The following SGCZ variants were observed in gnomAD, a reference collection of about 807,000 sequenced individuals.
The protein encoded by SGCZ is zeta-sarcoglycan.
Under a neutral mutation model 41.3 loss-of-function variants are expected in SGCZ, and 40 were observed. The ratio of observed to expected loss-of-function variants is 0.97; its 90% CI spans 0.75 to 1.26. The LOEUF (loss-of-function observed/expected upper bound fraction) is 1.26. Among genes scored for constraint, SGCZ ranks in the 50% most tolerant of loss-of-function variants. The pLI is 0.00. For missense variants in SGCZ, 552 were observed against 369.8 expected (o/e 1.49, Z -4.04); for synonymous variants, 206 against 137.5 (o/e 1.50, Z -3.49).
chr8:14,646,726 A>T (rs6981967), intron 1 of SGCZ, among the ~76,000 whole-genome samples: 16,367 of 151,900 alleles, frequency 0.11, 1,061 homozygotes, highest in African/African-American at 0.19. Context: ...TAGAAATATT[A>T]AAAAAATGAC....
rs1801656548 is a variant in SGCZ at position 14,090,543 on chromosome 8, A to G, written c.839T>C (p.Val280Ala). ...SPSSSSSRQTVYELCVCPNGK... is the reference protein window; with the variant it reads ...SPSSSSSRQTAYELCVCPNGK... ...ATTGGGGCAGACGCAGAGTTCATAC[A>G]CTGTCTGTCGAGAACTTGAGGAGCT... The change falls in exon 8 of 8, where the codon GTG becomes GCG. Residue 280 changes from valine (V) to alanine (A), a missense_variant. By Grantham distance (64) the Val-to-Ala change is moderately conservative. Coordinates refer to ENST00000382080, the MANE Select transcript of SGCZ (RefSeq NM_139167.4). The G allele has an allele frequency of 1.2e-6, 2 of 1,613,100 alleles. No homozygotes were observed. The highest frequency in any genetic ancestry group is 1.3e-5 in the African/African-American group (1 of 74,956).
Position 15,049,745 on chromosome 8 carries a change from G to A in SGCZ, c.39+187840C>T, listed in dbSNP as rs919967406. Among the ~76,000 whole-genome samples the A allele has an allele frequency of 3.3e-5, 5 of 152,198 alleles. No individual in the cohort carries two copies. The South Asian group carries it at 1.0e-3, about 32-fold the overall frequency. ...TTGTAATAATCCCCAGATGTCAAGA[G>A]CAGGGCAAGGTTATGATAACTAAAT... On this transcript the variant is annotated intron_variant, in intron 1 of 7. Transcript: ENST00000382080.
In SGCZ at chr8:14,086,533, A is replaced by G. The variant is rs981168479; in HGVS notation, c.*3910T>C. Among the ~76,000 whole-genome samples, 9 of 151,762 alleles carry G rather than the reference A, an allele frequency of 5.9e-5. No individual in the cohort carries two copies. The highest frequency in any genetic ancestry group is 1.0e-4 in the Non-Finnish European group (7 of 67,768). On this transcript the variant is annotated 3_prime_UTR_variant, in exon 8 of 8. Transcript: ENST00000382080. ...GATCACATTATCATTTCTTCAAAAG[A>G]TCACTGCTTTTTAGCTTTATGGAGG...
intron 2 of SGCZ, among the ~76,000 whole-genome samples, chr8:14,438,816 ACAT>A (rs1346735444): frequency 1.7e-4 from 26 of 152,048 alleles, no homozygotes; most frequent in Non-Finnish European, 7.4e-5. Context: ...TTATACCTTA[ACAT>A]CATATTCTTC....
At chr8:14,662,822 C>T (rs547295345) in intron 1 of SGCZ, among the ~76,000 whole-genome samples, 1 of 152,162 alleles carries the variant, frequency 6.6e-6, no homozygotes, top group African/African-American at 2.4e-5. Context: ...AAGAGTGGGT[C>T]TGAGAGATGC....
At chr8:14,678,393 C>T (rs974706945) in intron 1 of SGCZ, among the ~76,000 whole-genome samples, 1 of 152,156 alleles carries the variant, frequency 6.6e-6, no homozygotes, top group African/African-American at 2.4e-5. Context: ...ATAGACACTT[C>T]ACCAAAGAAG....
chr8:14,851,674 AT>A (rs1393987043), intron 1 of SGCZ, among the ~76,000 whole-genome samples: 1 of 152,180 alleles, frequency 6.6e-6, no homozygotes, highest in Non-Finnish European at 1.5e-5. Flanking sequence ...ATACTTTTGT[AT>A]CTTAGAGGTA....
chr8:14,875,078 C>G (rs944554988), intron 1 of SGCZ, among the ~76,000 whole-genome samples: 1 of 152,060 alleles, frequency 6.6e-6, no homozygotes, highest in Non-Finnish European at 1.5e-5. Flanking sequence ...TATTTATAAA[C>G]AATGGAAATT....
chr8:14,345,374 T>C (rs1394314492), intron 2 of SGCZ, among the ~76,000 whole-genome samples: 3 of 152,154 alleles, frequency 2.0e-5, no homozygotes, highest in Admixed American at 2.0e-4. Flanking sequence ...TTATGCTAAA[T>C]TCTGGGATAT....
intron 2 of SGCZ, among the ~76,000 whole-genome samples, chr8:14,378,036 C>T (rs11997088): frequency 0.4 from 56,234 of 142,284 alleles, 11,770 homozygotes; most frequent in African/African-American, 0.53. Flanking sequence ...GTCCTTTGGG[C>T]ATATACCCAG....
At position 14,087,898 on chromosome 8, in the gene SGCZ, G is replaced by A. The variant is rs978827553; in HGVS notation, c.*2545C>T. Among the ~76,000 whole-genome samples the A allele has an allele frequency of 7.3e-5, 11 of 151,550 alleles. No individual in the cohort carries two copies. Among genetic ancestry groups the A allele is most frequent in the Admixed American group, 2.0e-4 (3 of 15,160 alleles). ...TTTGGTGTTGAATAGGAAAGCCATC[G>A]CTATCACTATATTTTCTACTGTACT... On this transcript the variant is annotated 3_prime_UTR_variant, in exon 8 of 8. Coordinates refer to ENST00000382080, the MANE Select transcript of SGCZ (RefSeq NM_139167.4).
At position 14,246,102 on chromosome 8, in the gene SGCZ, T is replaced by A. The variant is rs537736268; in HGVS notation, c.337-8423A>T. On this transcript the variant is annotated intron_variant, in intron 3 of 7. Coordinates refer to ENST00000382080, the MANE Select transcript of SGCZ (RefSeq NM_139167.4). ...CCCAGCCATCACATTACTGGGTATA[T>A]ACCCAAAGGATTAGAAATCATGCTG... is the stretch of plus-strand genomic sequence containing the variant. Among the ~76,000 whole-genome samples the A allele has an allele frequency of 5.9e-5, 9 of 152,328 alleles. No homozygotes were observed. In the South Asian group the frequency reaches 1.9e-3, roughly 32 times the overall value.
intron 1 of SGCZ, among the ~76,000 whole-genome samples, chr8:14,624,875 C>T (rs1806402813): frequency 6.6e-6 from 1 of 151,946 alleles, no homozygotes; most frequent in Non-Finnish European, 1.5e-5. Context: ...CGGGCTATCA[C>T]TCCCCAAATT....
intron 1 of SGCZ, among the ~76,000 whole-genome samples, chr8:14,914,489 C>G (rs1799368517): frequency 6.6e-6 from 1 of 151,502 alleles, no homozygotes; most frequent in South Asian, 2.1e-4. Flanking sequence ...CAAAGAAATA[C>G]TATTTGGCAA....
At chr8:14,417,735 C>T (rs57354962) in intron 2 of SGCZ, among the ~76,000 whole-genome samples, 86,098 of 151,526 alleles carry the variant, frequency 0.57, 25,308 homozygotes, top group South Asian at 0.75. Context: ...TTGTTTTACA[C>T]AAAAAAGGTA....
In SGCZ at chr8:14,144,809, T is replaced by G. The variant is rs144342782; in HGVS notation, c.547+19771A>C. On this transcript the variant is annotated intron_variant, in intron 5 of 7. Transcript: ENST00000382080. The stretch of plus-strand genomic sequence containing the variant: ...TCACCATAAGCTGATATAAGAGTCC[T>G]TGGGCCTTAAGGGAATATCAGTGGT... 9.2e-5 allele frequency among the ~76,000 whole-genome samples: 14 copies of G among 152,178 alleles called. 1 individual carries two copies. The East Asian group carries it at 2.1e-3, about 23-fold the overall frequency.
In SGCZ at chr8:15,190,409, G is replaced by A. The variant is rs998690810; in HGVS notation, c.39+47176C>T. 4.8e-4 allele frequency among the ~76,000 whole-genome samples: 73 copies of A among 151,932 alleles called. 1 individual carries two copies. The highest frequency in any genetic ancestry group is 1.7e-3 in the African/African-American group (71 of 41,442). On this transcript the variant is annotated intron_variant, in intron 1 of 7. Transcript: ENST00000382080. Reference sequence around the variant, plus strand: ...ACCTACCATGCAATAGGCTTGACACGGCTCAGAAAAGACAGTGGTTAAGAC... The same window carrying A: ...ACCTACCATGCAATAGGCTTGACACAGCTCAGAAAAGACAGTGGTTAAGAC...
At chr8:14,304,614 T>C (rs1206696367) in intron 3 of SGCZ, among the ~76,000 whole-genome samples, 2 of 152,156 alleles carry the variant, frequency 1.3e-5, no homozygotes, top group Non-Finnish European at 2.9e-5. Flanking sequence ...TGAAAGTATT[T>C]TTATAACAGA....
chr8:14,594,230 T>C (rs951704023), intron 1 of SGCZ, among the ~76,000 whole-genome samples: 2 of 148,914 alleles, frequency 1.3e-5, no homozygotes, highest in African/African-American at 2.5e-5. Flanking sequence ...ATAAATAAAA[T>C]AAAACAAAAT....
Sources: allele counts gnomAD v4.1 joint callset (sites outside exome capture counted in the v4.1 genomes callset), GRCh38; gene constraint gnomAD v4.1.1; transcripts MANE v1.5; gene names NCBI Gene and HGNC (gene_info 2026-07-23, HGNC 2026-07-21).